The following MGMT variants were observed in gnomAD, a reference collection of about 807,000 sequenced individuals.
MGMT encodes the protein O-6-methylguanine-DNA methyltransferase.
MGMT carries 14 observed loss-of-function variants against 15.9 expected under a neutral mutation model. The observed-to-expected ratio is 0.88, with a 90% confidence interval of 0.58 to 1.37. MGMT has a LOEUF of 1.37. Among genes scored for constraint, MGMT ranks in the 40% most tolerant of loss-of-function variants. MGMT has a pLI of 0.00. For missense variants in MGMT, 282 were observed against 268.1 expected, an observed-to-expected ratio of 1.05 and a Z score of -0.36; for synonymous variants, 130 against 118.2, an observed-to-expected ratio of 1.10 and a Z score of -0.65.
At chr10:129,738,126 G>A (rs2133168724) in intron 3 of MGMT, among the ~76,000 whole-genome samples, 1 of 152,340 alleles carries the variant, frequency 6.6e-6, no homozygotes, top group Admixed American at 6.5e-5. Context: ...AGCAAGCCTG[G>A]GCAATGGCGG....
intron 2 of MGMT, among the ~76,000 whole-genome samples, chr10:129,568,787 C>G (rs1430763168): frequency 1.3e-5 from 2 of 152,062 alleles, no homozygotes; most frequent in African/African-American, 4.8e-5. Context: ...CACCTCTGCC[C>G]CCTTTTCCCT....
intron 2 of MGMT, among the ~76,000 whole-genome samples, chr10:129,623,514 A>G (rs1202140369): frequency 2.6e-5 from 4 of 152,116 alleles, no homozygotes; most frequent in Non-Finnish European, 5.9e-5. Context: ...TAACATATAT[A>G]TAACCTTTTT....
At chr10:129,538,503 T>G (rs540086021) in intron 2 of MGMT, among the ~76,000 whole-genome samples, 18 of 152,374 alleles carry the variant, frequency 1.2e-4, no homozygotes, top group African/African-American at 3.8e-4. Context: ...TTTCAGATTT[T>G]AGCCATTCTG....
chr10:129,574,022 C>A (rs1044744839), intron 2 of MGMT, among the ~76,000 whole-genome samples: 1 of 152,174 alleles, frequency 6.6e-6, no homozygotes, highest in Admixed American at 6.5e-5. Flanking sequence ...GGCAACATGT[C>A]CCCCGACCCA....
chr10:129,567,226 C>T (rs1846366470), intron 2 of MGMT, among the ~76,000 whole-genome samples: 1 of 152,182 alleles, frequency 6.6e-6, no homozygotes, highest in African/African-American at 2.4e-5. Flanking sequence ...CCGTCCCCTC[C>T]ACCTCTCACA....
intron 2 of MGMT, among the ~76,000 whole-genome samples, chr10:129,702,816 C>T (rs1034337124): frequency 5.9e-5 from 9 of 152,128 alleles, no homozygotes; most frequent in East Asian, 3.9e-4. Flanking sequence ...AAGACTGGGA[C>T]GTGGCATTTC....
chr10:129,575,828 C>T (rs373653822), intron 2 of MGMT, among the ~76,000 whole-genome samples: 4,826 of 151,684 alleles, frequency 0.032, 114 homozygotes, highest in South Asian at 0.061. Flanking sequence ...ATCAAATAGA[C>T]GCAATAAAAA....
intron 2 of MGMT, among the ~76,000 whole-genome samples, chr10:129,616,870 C>G (rs2133072459): frequency 1.3e-5 from 2 of 152,204 alleles, no homozygotes; most frequent in South Asian, 4.2e-4. Flanking sequence ...CACCTCCTCC[C>G]CCGAGGAGGT....
At chr10:129,584,272 T>G (rs1312119572) in intron 2 of MGMT, among the ~76,000 whole-genome samples, 1 of 152,186 alleles carries the variant, frequency 6.6e-6, no homozygotes, top group Non-Finnish European at 1.5e-5. Context: ...GTTGGCAAGC[T>G]CTTGGCCTGC....
intron 2 of MGMT, among the ~76,000 whole-genome samples, chr10:129,624,087 G>A (rs556819925): frequency 3.3e-5 from 5 of 152,374 alleles, no homozygotes; most frequent in African/African-American, 9.6e-5. Context: ...GAGGCAACAC[G>A]CTCAGCGCCT....
At chr10:129,478,925 T>TC (rs1226073922) in intron 1 of MGMT, among the ~76,000 whole-genome samples, 2 of 32,806 alleles carry the variant, frequency 6.1e-5, no homozygotes, top group African/African-American at 1.1e-4. Context: ...TGAGAATCTC[T>TC]AAGAATATGA....
At chr10:129,639,947 CAAA>C (rs35965727) in intron 2 of MGMT, among the ~76,000 whole-genome samples, 6 of 116,258 alleles carry the variant, frequency 5.2e-5, no homozygotes, top group Admixed American at 8.6e-5. Flanking sequence ...CTAGACTGAC[CAAA>C]AAAAAAAAAA....
intron 1 of MGMT, among the ~76,000 whole-genome samples, chr10:129,527,280 C>T (rs926053457): frequency 6.6e-6 from 1 of 151,744 alleles, no homozygotes; most frequent in South Asian, 2.1e-4. Context: ...TGTGCACATG[C>T]CCTGTTACAG....
chr10:129,754,149 A>T (rs1368739488), intron 3 of MGMT, among the ~76,000 whole-genome samples: 1 of 151,256 alleles, frequency 6.6e-6, no homozygotes, highest in Non-Finnish European at 1.5e-5. Flanking sequence ...GGGGAAGTAG[A>T]CAGCTCACCC....
intron 2 of MGMT, among the ~76,000 whole-genome samples, chr10:129,550,381 G>A (rs954196245): frequency 1.3e-5 from 2 of 148,220 alleles, no homozygotes; most frequent in Non-Finnish European, 3.0e-5. Flanking sequence ...ACCCAGCACC[G>A]GAATGTTTCA....
chr10:129,632,238 T>A (rs1265730523), intron 2 of MGMT, among the ~76,000 whole-genome samples: 1 of 152,224 alleles, frequency 6.6e-6, no homozygotes, highest in Non-Finnish European at 1.5e-5. Flanking sequence ...TGATTGGTTA[T>A]TTAGCTTACT....
intron 3 of MGMT, among the ~76,000 whole-genome samples, chr10:129,731,057 G>A (rs886447734): frequency 6.6e-6 from 1 of 152,252 alleles, no homozygotes. Context: ...GTCACTAGGC[G>A]CCCCACACTT....
chr10:129,744,442 CAG>C (rs1200992031), intron 3 of MGMT, among the ~76,000 whole-genome samples: 9 of 152,242 alleles, frequency 5.9e-5, no homozygotes, highest in African/African-American at 1.9e-4. Flanking sequence ...AGCCAGATGT[CAG>C]GGGCTGTTCC....
intron 2 of MGMT, among the ~76,000 whole-genome samples, chr10:129,680,073 A>G (rs1414376344): frequency 6.6e-6 from 1 of 152,254 alleles, no homozygotes; most frequent in Non-Finnish European, 1.5e-5. Flanking sequence ...TCAGTGGCCA[A>G]CGAGCCCAGC....
Sources: allele counts gnomAD v4.1 joint callset (sites outside exome capture counted in the v4.1 genomes callset), GRCh38; gene constraint gnomAD v4.1.1; transcripts MANE v1.5; gene names NCBI Gene and HGNC (gene_info 2026-07-23, HGNC 2026-07-21).